Variants in NOS1AP observed in about 807,000 individuals in gnomAD.
NOS1AP encodes carboxyl-terminal PDZ ligand of neuronal nitric oxide synthase protein.
Under a neutral mutation model 56.2 loss-of-function variants are expected in NOS1AP, and 21 were observed. The ratio of observed to expected loss-of-function variants is 0.37; its 90% CI spans 0.26 to 0.54. The LOEUF is 0.54. Among genes scored for constraint, NOS1AP ranks in the 20% least tolerant of loss-of-function variants. The pLI, the probability that NOS1AP is intolerant of heterozygous loss-of-function variation, is 0.84. For missense variants in NOS1AP, 522 were observed against 657.8 expected, an observed-to-expected ratio of 0.79 and a Z score of 2.26; for synonymous variants, 270 against 274.6, an observed-to-expected ratio of 0.98 and a Z score of 0.17.
At chr1:162,167,393 C>T (rs1040985520) in intron 2 of NOS1AP, among the ~76,000 whole-genome samples, 5 of 152,242 alleles carry the variant, frequency 3.3e-5, no homozygotes, top group African/African-American at 1.2e-4. Flanking sequence ...TTCCTTTTTA[C>T]TCAGCCTCTC....
intron 2 of NOS1AP, among the ~76,000 whole-genome samples, chr1:162,205,158 C>A (rs1178457156): frequency 6.6e-6 from 1 of 152,196 alleles, no homozygotes; most frequent in Non-Finnish European, 1.5e-5. Flanking sequence ...GCCCTGTGAA[C>A]CCCAGATGGG....
rs115433966 is a variant in NOS1AP at position 162,367,380 on chromosome 1, G to C, written c.1434G>C (p.Ser478=). The C allele has an allele frequency of 6.3e-4, 1,010 of 1,608,352 alleles. 3 individuals are homozygous for C. In the African/African-American group the frequency reaches 0.012, roughly 20 times the overall value. ...SNTDESEERD[S]WSQEELPRLL... ...CGGACGAGAGCGAGGAGCGCGACTC[G>C]TGGTCCCAGGAGGAGCTGCCGCGCC... is the stretch of plus-strand genomic sequence containing the variant. Residue 478 remains serine, a synonymous_variant, in exon 10 of 10, where the codon TCG becomes TCC. Coordinates refer to ENST00000361897, the MANE Select transcript of NOS1AP (RefSeq NM_014697.3). This position sits in a 1 kb window ranked among gnomAD's most constrained non-coding sequence, Gnocchi z 6.5.
chr1:162,298,023 C>T (rs1655528000), intron 3 of NOS1AP, among the ~76,000 whole-genome samples: 1 of 152,198 alleles, frequency 6.6e-6, no homozygotes, highest in Non-Finnish European at 1.5e-5. Context: ...CTGCTCTCTC[C>T]AGCCAAAGAG....
At chr1:162,200,522 T>C (rs1278690705) in intron 2 of NOS1AP, among the ~76,000 whole-genome samples, 1 of 152,116 alleles carries the variant, frequency 6.6e-6, no homozygotes, top group African/African-American at 2.4e-5. Flanking sequence ...GGCCTGGCAT[T>C]AGGGAGCGGA....
At chr1:162,296,399 C>T (rs888754315) in intron 3 of NOS1AP, among the ~76,000 whole-genome samples, 2 of 152,140 alleles carry the variant, frequency 1.3e-5, no homozygotes, top group Non-Finnish European at 2.9e-5. Context: ...TTCCTGATCT[C>T]TTCATAGATT....
chr1:162,185,708 A>G (rs1008943497), intron 2 of NOS1AP, among the ~76,000 whole-genome samples: 1 of 152,232 alleles, frequency 6.6e-6, no homozygotes, highest in African/African-American at 2.4e-5. Flanking sequence ...TGCAGTTTCT[A>G]AAGTTGCATT....
intron 2 of NOS1AP, among the ~76,000 whole-genome samples, chr1:162,196,094 C>G (rs1470233000): frequency 6.6e-6 from 1 of 152,214 alleles, no homozygotes; most frequent in East Asian, 1.9e-4. Context: ...AGAACAGTTA[C>G]CAGTGCCTCA....
intron 2 of NOS1AP, among the ~76,000 whole-genome samples, chr1:162,260,216 G>A (rs74128724): frequency 0.017 from 2,615 of 152,202 alleles, 82 homozygotes; most frequent in East Asian, 0.14. Flanking sequence ...AGCAATTCTG[G>A]ATGGCCCATA....
At chr1:162,237,058 G>A (rs888748085) in intron 2 of NOS1AP, among the ~76,000 whole-genome samples, 5 of 152,210 alleles carry the variant, frequency 3.3e-5, no homozygotes, top group African/African-American at 7.2e-5. Context: ...AAACCAGCTC[G>A]TTTCCCGTTT....
At chr1:162,118,957 T>C (rs921031832) in intron 1 of NOS1AP, among the ~76,000 whole-genome samples, 2 of 152,130 alleles carry the variant, frequency 1.3e-5, no homozygotes, top group African/African-American at 4.8e-5. Flanking sequence ...AGGGAGCCCA[T>C]AGACCTATGA....
chr1:162,111,395 G>A (rs556569948), intron 1 of NOS1AP, among the ~76,000 whole-genome samples: 9 of 152,352 alleles, frequency 5.9e-5, no homozygotes, highest in East Asian at 1.9e-4. Context: ...CCCTGGTGAT[G>A]TAGGCGTGGT....
intron 1 of NOS1AP, among the ~76,000 whole-genome samples, chr1:162,106,689 G>A (rs917491156): frequency 1.3e-5 from 2 of 152,220 alleles, no homozygotes; most frequent in Non-Finnish European, 2.9e-5. Context: ...CATCCAGATA[G>A]CATTTCTCAT....
chr1:162,118,466 T>C (rs1173839636), intron 1 of NOS1AP, among the ~76,000 whole-genome samples: 1 of 152,208 alleles, frequency 6.6e-6, no homozygotes, highest in African/African-American at 2.4e-5. Context: ...TAGTACCACA[T>C]TTTCTTTTTC....
intron 6 of NOS1AP, among the ~76,000 whole-genome samples, chr1:162,351,474 T>C (rs1657493767): frequency 6.6e-6 from 1 of 152,152 alleles, no homozygotes; most frequent in South Asian, 2.1e-4. Context: ...CAGGGCTACT[T>C]CACCATTCAG....
At chr1:162,365,932 T>A (rs1810354) in intron 9 of NOS1AP, among the ~76,000 whole-genome samples, 117,085 of 152,074 alleles carry the variant, frequency 0.77, 47,105 homozygotes, top group Non-Finnish European at 0.89. Context: ...TGGCACCTAT[T>A]GGGTGTCATG....
chr1:162,265,563 A>ATT (rs60200369), intron 2 of NOS1AP, among the ~76,000 whole-genome samples: 34 of 151,856 alleles, frequency 2.2e-4, no homozygotes, highest in East Asian at 1.9e-4. Flanking sequence ...TGAACTCATC[A>ATT]TTTTTTTATG....
intron 2 of NOS1AP, among the ~76,000 whole-genome samples, chr1:162,217,652 A>G (rs1302628695): frequency 6.6e-6 from 1 of 152,106 alleles, no homozygotes; most frequent in Non-Finnish European, 1.5e-5. Context: ...GCAGAGTGAG[A>G]GTGTGGCTGG....
intron 2 of NOS1AP, among the ~76,000 whole-genome samples, chr1:162,209,051 A>T (rs143852380): frequency 6.6e-6 from 1 of 152,190 alleles, no homozygotes; most frequent in Admixed American, 6.5e-5. Flanking sequence ...AAATTCTGCA[A>T]CCCTTTTTCA....
intron 4 of NOS1AP, 62 bp from the exon 5 acceptor site, chr1:162,332,955 C>A: frequency 8.6e-7 from 1 of 1,160,086 alleles, no homozygotes; most frequent in Non-Finnish European, 1.3e-6. Flanking sequence ...ACAGAGCTTT[C>A]CTGGTTGGAG....
Sources: gnomAD v4.1 joint callset for allele counts (sites outside exome capture counted in the v4.1 genomes callset) on GRCh38, gnomAD v4.1.1 for gene constraint, Gnocchi (gnomAD v3.1) non-coding constraint, MANE v1.5 for transcripts, NCBI Gene and HGNC (gene_info 2026-07-23, HGNC 2026-07-21) for gene names.